TENM3: variants seen among roughly 807,000 people sequenced by gnomAD.
TENM3 encodes the protein teneurin transmembrane protein 3, also known as teneurin-3.
Under a neutral mutation model 255.1 loss-of-function variants are expected in TENM3, and 63 were observed. The ratio of observed to expected loss-of-function variants is 0.25; its 90% confidence interval spans 0.20 to 0.30. TENM3 has a LOEUF of 0.30. Ranked by LOEUF, TENM3 falls within the 10% of genes least tolerant of loss-of-function variation. The pLI is 1.00. For missense variants in TENM3, 2,929 were observed against 3,461.1 expected, an observed-to-expected ratio of 0.85 and a Z score of 3.86; for synonymous variants, 1,306 against 1,322.3, an observed-to-expected ratio of 0.99 and a Z score of 0.27.
At chr4:182,778,029 G>A (rs1579465837) in intron 24 of TENM3, among the ~76,000 whole-genome samples, 2 of 152,020 alleles carry the variant, frequency 1.3e-5, no homozygotes, top group African/African-American at 4.8e-5. Context: ...ATGTAAGGAC[G>A]CAGAATAAAG....
intron 3 of TENM3, among the ~76,000 whole-genome samples, chr4:182,407,875 T>C (rs1294995917): frequency 6.6e-6 from 1 of 152,230 alleles, no homozygotes; most frequent in African/African-American, 2.4e-5. Flanking sequence ...TCAAAAAGTA[T>C]ATTAAGTGTT....
the TENM3 span, among the ~76,000 whole-genome samples, chr4:181,931,294 G>A: frequency 8.5e-5 from 13 of 152,274 alleles, no homozygotes; most frequent in African/African-American, 2.9e-4. Flanking sequence ...ATATCCTAAA[G>A]CTGATAAGCA....
chr4:182,091,435 G>A, the TENM3 span, among the ~76,000 whole-genome samples: 443 of 152,334 alleles, frequency 2.9e-3, 2 homozygotes, highest in Middle Eastern at 0.01. Flanking sequence ...GTAGCCAGAT[G>A]GTGGTAACTG....
intron 3 of TENM3, among the ~76,000 whole-genome samples, chr4:182,522,717 C>G (rs1427237444): frequency 2.6e-5 from 4 of 152,186 alleles, no homozygotes; most frequent in Admixed American, 2.6e-4. Flanking sequence ...TGTTGATGGA[C>G]AATTAGGTTA....
chr4:182,228,316 T>C (rs1324179769), intron 1 of TENM3, among the ~76,000 whole-genome samples: 1 of 141,318 alleles, frequency 7.1e-6, no homozygotes, highest in Non-Finnish European at 1.6e-5. Context: ...ATGTGTCTCA[T>C]AACATCATGT....
the TENM3 span, among the ~76,000 whole-genome samples, chr4:182,075,811 T>C: frequency 6.6e-6 from 1 of 152,220 alleles, no homozygotes. Flanking sequence ...CATCGTGTGC[T>C]TCCCAACGGG....
At chr4:181,866,392 A>T in the TENM3 span, among the ~76,000 whole-genome samples, 62 of 152,354 alleles carry the variant, frequency 4.1e-4, no homozygotes, top group African/African-American at 1.3e-3. Context: ...TAGTTTATGT[A>T]GATACTGCCT....
At chr4:182,484,458 T>A (rs1734508810) in intron 3 of TENM3, among the ~76,000 whole-genome samples, 1 of 152,170 alleles carries the variant, frequency 6.6e-6, no homozygotes, top group Non-Finnish European at 1.5e-5. Flanking sequence ...ACAGTGGTAA[T>A]ACTTTACCTT....
At chr4:181,623,587 C>T in the TENM3 span, among the ~76,000 whole-genome samples, 2 of 152,200 alleles carry the variant, frequency 1.3e-5, no homozygotes, top group African/African-American at 2.4e-5. Flanking sequence ...TATTGAGACA[C>T]TTGATATGAA....
Position 182,799,498 on chromosome 4 carries a change from G to T in TENM3, c.7345-98G>T. The T allele has an allele frequency of 6.9e-7, 1 of 1,455,268 alleles. No homozygotes were observed. Among genetic ancestry groups the T allele is most frequent in the South Asian group, 1.3e-5 (1 of 75,142 alleles). 90.1% of individuals were successfully genotyped at this position (1,455,268 alleles called of 1,614,324 possible). ...CAGGGAAGGACCCCGGGGCTTCCAT[G>T]CATGCCCCGGCGCTGCCCCCAGAGT... On this transcript the variant is annotated intron_variant, in intron 27 of 27. Transcript: ENST00000511685. This position sits in a 1 kb window ranked among gnomAD's most constrained non-coding sequence, Gnocchi z 4.2.
chr4:182,310,956 C>T (rs1361826049), intron 1 of TENM3, among the ~76,000 whole-genome samples: 9 of 152,134 alleles, frequency 5.9e-5, no homozygotes, highest in Admixed American at 1.3e-4. Context: ...GTGATCCACC[C>T]GCCTTGGCCT....
chr4:181,557,363 C>T, the TENM3 span, among the ~76,000 whole-genome samples: 3 of 152,086 alleles, frequency 2.0e-5, no homozygotes, highest in African/African-American at 7.2e-5. Context: ...ATATATGCAG[C>T]CCCATTCCAA....
At chr4:182,505,854 G>A (rs1213758478) in intron 3 of TENM3, among the ~76,000 whole-genome samples, 1 of 152,148 alleles carries the variant, frequency 6.6e-6, no homozygotes, top group Non-Finnish European at 1.5e-5. Flanking sequence ...GTCATCATGT[G>A]CTTACTGAAA....
At chr4:182,619,738 T>G (rs1325512813) in intron 4 of TENM3, among the ~76,000 whole-genome samples, 1 of 152,188 alleles carries the variant, frequency 6.6e-6, no homozygotes, top group Non-Finnish European at 1.5e-5. Flanking sequence ...CTTTTGGGCT[T>G]TGAAATTGAT....
At chr4:182,140,022 G>A (rs1166901718), upstream of TENM3, among the ~76,000 whole-genome samples, 1 of 152,208 alleles carries the variant, frequency 6.6e-6, no homozygotes, top group African/African-American at 2.4e-5. Flanking sequence ...TTATGACTTT[G>A]TCAGTGATCG....
At chr4:182,481,786 C>G (rs1427769267) in intron 3 of TENM3, among the ~76,000 whole-genome samples, 1 of 152,166 alleles carries the variant, frequency 6.6e-6, no homozygotes, top group Non-Finnish European at 1.5e-5. Flanking sequence ...CAGAGTGAGA[C>G]TCTTGTCTCA....
At chr4:182,699,840 A>G (rs1757711817) in intron 12 of TENM3, among the ~76,000 whole-genome samples, 1 of 152,092 alleles carries the variant, frequency 6.6e-6, no homozygotes, top group South Asian at 2.1e-4. Flanking sequence ...TCTTTTAAAA[A>G]CCATCTAAGA....
intron 3 of TENM3, among the ~76,000 whole-genome samples, chr4:182,557,160 CTT>C (rs1742662903): frequency 6.6e-6 from 1 of 152,070 alleles, no homozygotes; most frequent in African/African-American, 2.4e-5. Context: ...AATTAAATGA[CTT>C]TTTCTATTCA....
At chr4:181,560,128 G>A in the TENM3 span, among the ~76,000 whole-genome samples, 1 of 152,184 alleles carries the variant, frequency 6.6e-6, no homozygotes, top group Non-Finnish European at 1.5e-5. Context: ...TGGAGGCTGG[G>A]AAGTTCAAGG....
Sources: gnomAD v4.1 joint callset for allele counts (sites outside exome capture counted in the v4.1 genomes callset) on GRCh38, gnomAD v4.1.1 for gene constraint, Gnocchi (gnomAD v3.1) non-coding constraint, MANE v1.5 for transcripts, NCBI Gene and HGNC (gene_info 2026-07-23, HGNC 2026-07-21) for gene names.